The following COL4A2 variants were observed in gnomAD, a reference collection of about 807,000 sequenced individuals.
COL4A2 encodes collagen type IV alpha 2 chain, also known as collagen alpha-2(IV) chain.
COL4A2 carries 99 observed loss-of-function variants against 200.2 expected under a neutral mutation model. That is an observed-to-expected ratio of 0.49 (90% CI 0.42 to 0.58). The LOEUF (loss-of-function observed/expected upper bound fraction) is 0.58. COL4A2 is among the 20% of genes least tolerant of loss of function. The pLI, the probability that COL4A2 is intolerant of heterozygous loss-of-function variation, is 0.00. For synonymous variants in COL4A2, 897 were observed against 900.6 expected (o/e 1.00, Z 0.07); for missense variants, 1,950 against 2,314.1 (o/e 0.84, Z 3.23).
At chr13:110,457,991 G>A (rs530011419) in intron 21 of COL4A2, 2 of 404,780 alleles carry the variant, frequency 4.9e-6, no homozygotes, top group Non-Finnish European at 1.0e-5. Context: ...CTAGCTCGAG[G>A]CCGTCCTCTG....
In COL4A2 at chr13:110,417,453, C is replaced by T. The variant is rs946588561; in HGVS notation, c.181-7281C>T. The stretch of plus-strand genomic sequence containing the variant: ...CTTGTCTTCTTCATCTTTGCCTTTA[C>T]TCAGCTCCTCTTTTGTTTGTTTGTT... On this transcript the variant is annotated intron_variant, in intron 4 of 47. Transcript: ENST00000360467. Among the ~76,000 whole-genome samples, 23 of 152,138 alleles carry T rather than the reference C, an allele frequency of 1.5e-4. 1 individual carries two copies. Among genetic ancestry groups the T allele is most frequent in the African/African-American group, 5.6e-4 (23 of 41,408 alleles).
At chr13:110,323,067 G>C (rs1885317040) in intron 3 of COL4A2, among the ~76,000 whole-genome samples, 1 of 152,230 alleles carries the variant, frequency 6.6e-6, no homozygotes, top group African/African-American at 2.4e-5. Context: ...CCTGGGCACT[G>C]TTGCACAGTC....
intron 4 of COL4A2, among the ~76,000 whole-genome samples, chr13:110,394,206 T>C (rs576922055): frequency 6.6e-6 from 1 of 152,314 alleles, no homozygotes; most frequent in East Asian, 1.9e-4. Context: ...AGAGAAAACA[T>C]TGATGTAGTG....
chr13:110,469,826 G>T (rs1417732310), intron 28 of COL4A2, among the ~76,000 whole-genome samples: 1 of 151,218 alleles, frequency 6.6e-6, no homozygotes, highest in African/African-American at 2.4e-5. Context: ...GGCGTCTGCA[G>T]ACATAGGTGT....
At chr13:110,456,812 T>C in intron 20 of COL4A2, 1 of 474,388 alleles carries the variant, frequency 2.1e-6, no homozygotes, top group South Asian at 1.6e-5. Flanking sequence ...ATGGTGCCGA[T>C]GCCCTGCGTC....
Position 110,495,376 on chromosome 13 carries a change from C to A in COL4A2, c.3669C>A (p.Gly1223=). The change falls in exon 40 of 48, where the codon GGC becomes GGA. Residue 1223 remains glycine (G), a synonymous_variant. Coordinates refer to ENST00000360467, the MANE Select transcript of COL4A2 (RefSeq NM_001846.4). ...TCCACGGAGACCCAGGCTTCCCAGG[C>A]CCTCCTGGGGAAAGAGGTGACCCAG... ...SDIHGDPGFP[G]PPGERGDPGE... 1 of 1,613,910 alleles carries A rather than the reference C, an allele frequency of 6.2e-7. No individual in the cohort carries two copies. The highest frequency in any genetic ancestry group is 8.5e-7 in the Non-Finnish European group (1 of 1,179,802).
chr13:110,435,656 C>CA (rs1880844430), intron 12 of COL4A2, among the ~76,000 whole-genome samples: 1 of 152,158 alleles, frequency 6.6e-6, no homozygotes, highest in South Asian at 2.1e-4. Flanking sequence ...TCTTTTGTGT[C>CA]AATCAGTTTC....
chr13:110,314,060 C>G (rs1007750539), intron 3 of COL4A2, among the ~76,000 whole-genome samples: 1 of 152,236 alleles, frequency 6.6e-6, no homozygotes, highest in African/African-American at 2.4e-5. Flanking sequence ...AAAAGCTGCA[C>G]TAGTGGAAAA....
At chr13:110,502,123 C>T (rs1425118045) in intron 41 of COL4A2, among the ~76,000 whole-genome samples, 4 of 152,152 alleles carry the variant, frequency 2.6e-5, no homozygotes, top group Admixed American at 6.5e-5. Context: ...TAATCACGAA[C>T]GAGCTGAATA....
chr13:110,390,112 C>G (rs1294773584), intron 4 of COL4A2, among the ~76,000 whole-genome samples: 3 of 152,210 alleles, frequency 2.0e-5, no homozygotes, highest in Non-Finnish European at 2.9e-5. Context: ...TGAGCCTGCT[C>G]TGGGTGCCAG....
intron 3 of COL4A2, among the ~76,000 whole-genome samples, chr13:110,317,706 C>T: frequency 6.6e-6 from 1 of 152,222 alleles, no homozygotes; most frequent in Middle Eastern, 3.2e-3. Flanking sequence ...AACCGGCCCT[C>T]TCCAAGTCTG....
At chr13:110,467,793 C>A (rs1389072782) in intron 27 of COL4A2, among the ~76,000 whole-genome samples, 22 of 152,224 alleles carry the variant, frequency 1.4e-4, no homozygotes. Flanking sequence ...AGGAGGAGGG[C>A]TGGACCCTGA....
At chr13:110,329,827 A>T (rs1224168917) in intron 3 of COL4A2, among the ~76,000 whole-genome samples, 2 of 152,164 alleles carry the variant, frequency 1.3e-5, no homozygotes, top group East Asian at 3.8e-4. Context: ...CCACCACGGC[A>T]CTGGCAGGAG....
At chr13:110,465,877 C>T (rs1346051662) in intron 25 of COL4A2, 126 bp from the exon 26 acceptor site, 1 of 1,222,684 alleles carries the variant, frequency 8.2e-7, no homozygotes, top group East Asian at 2.4e-5. Flanking sequence ...CTGCCCATTT[C>T]AAAGCCTTCC....
intron 3 of COL4A2, among the ~76,000 whole-genome samples, chr13:110,326,394 C>A (rs926295979): frequency 6.6e-6 from 1 of 152,200 alleles, no homozygotes; most frequent in Non-Finnish European, 1.5e-5. Flanking sequence ...TGCACCTAAA[C>A]CTCAGCCTCC....
intron 3 of COL4A2, among the ~76,000 whole-genome samples, chr13:110,353,433 C>T (rs945284721): frequency 1.4e-4 from 22 of 152,162 alleles, no homozygotes; most frequent in Non-Finnish European, 2.4e-4. Context: ...GCAGCAGGTG[C>T]GTGCAGTCGG....
rs371861906 is a variant in COL4A2, at chr13:110,508,424, AC to A, written c.4881+206del. The A allele has an allele frequency of 5.4e-5, 43 of 802,604 alleles. No homozygotes were observed. The African/African-American group carries it at 6.8e-4, about 13-fold the overall frequency. The allele number at this position is 802,604 out of a possible 1,614,324, so 49.7% of individuals were successfully genotyped here. A position where few individuals can be genotyped will look rare whatever the true frequency, so the allele number is the denominator to read the frequency against. ...ACATGCTGGGCACAGGGCTTCCTCCACCCAGAAAGGGCTCATTAATTTGCCA... is the reference window on the plus strand; with the variant it reads ...ACATGCTGGGCACAGGGCTTCCTCCACCAGAAAGGGCTCATTAATTTGCCA... On this transcript the variant is annotated intron_variant, in intron 47 of 47. Transcript: ENST00000360467. This position sits in a 1 kb window ranked among gnomAD's most constrained non-coding sequence, Gnocchi z 6.1.
chr13:110,430,494 C>T, intron 9 of COL4A2, 51 bp from the exon 10 acceptor site: 1 of 1,614,068 alleles, frequency 6.2e-7, no homozygotes, highest in South Asian at 1.1e-5. Context: ...TTCAGAACTC[C>T]AAGTACCAGT....
chr13:110,389,552 C>T (rs747713054), intron 4 of COL4A2, among the ~76,000 whole-genome samples: 10 of 152,340 alleles, frequency 6.6e-5, no homozygotes, highest in African/African-American at 2.4e-4. Context: ...CTCAGGGAGT[C>T]CTTCTCAGAC....
Sources: allele counts gnomAD v4.1 joint callset (sites outside exome capture counted in the v4.1 genomes callset), GRCh38; gene constraint gnomAD v4.1.1; non-coding constraint Gnocchi (gnomAD v3.1); transcripts MANE v1.5; gene names NCBI Gene and HGNC (gene_info 2026-07-23, HGNC 2026-07-21).